The following ADAMTS16 variants were observed in gnomAD, a reference collection of about 807,000 sequenced individuals.
The protein encoded by ADAMTS16 is ADAM metallopeptidase with thrombospondin type 1 motif 16.
In ADAMTS16, 94 loss-of-function variants were observed where a neutral mutation model predicts 145.8. The ratio of observed to expected loss-of-function variants is 0.64; its 90% CI spans 0.55 to 0.77. The LOEUF is 0.77. ADAMTS16 is among the 30% of genes least tolerant of loss of function. The pLI is 0.00. For missense variants in ADAMTS16, 1,585 were observed against 1,591.5 expected, an observed-to-expected ratio of 1.00 and a Z score of 0.07; for synonymous variants, 659 against 604.3, an observed-to-expected ratio of 1.09 and a Z score of -1.33.
At chr5:5,237,871 G>A (rs1364844054) in intron 14 of ADAMTS16, among the ~76,000 whole-genome samples, 1 of 152,004 alleles carries the variant, frequency 6.6e-6, no homozygotes, top group African/African-American at 2.4e-5. Flanking sequence ...GCAGAGGGAA[G>A]GGGTGGAAAA....
intron 18 of ADAMTS16, among the ~76,000 whole-genome samples, chr5:5,264,177 C>T (rs1000019463): frequency 1.3e-5 from 2 of 152,062 alleles, no homozygotes; most frequent in Admixed American, 6.5e-5. Context: ...AAGAACCAAT[C>T]GGAAGAGAGC....
At chr5:5,248,528 C>T (rs894645698) in intron 17 of ADAMTS16, among the ~76,000 whole-genome samples, 8 of 152,178 alleles carry the variant, frequency 5.3e-5, no homozygotes, top group African/African-American at 7.2e-5. Flanking sequence ...AATTGGCCTG[C>T]GTGATTCTGG....
intron 18 of ADAMTS16, among the ~76,000 whole-genome samples, chr5:5,295,006 T>C (rs571378780): frequency 6.6e-6 from 1 of 152,180 alleles, no homozygotes; most frequent in African/African-American, 2.4e-5. Flanking sequence ...GAAAAATTAT[T>C]TAAAAAAAAT....
chr5:5,268,968 G>A (rs989830768), intron 18 of ADAMTS16, among the ~76,000 whole-genome samples: 7 of 152,244 alleles, frequency 4.6e-5, no homozygotes, highest in African/African-American at 1.4e-4. Flanking sequence ...AAAGGGAACC[G>A]CTCCCTCCCT....
chr5:5,283,943 C>T (rs1739020437), intron 18 of ADAMTS16, among the ~76,000 whole-genome samples: 2 of 152,144 alleles, frequency 1.3e-5, no homozygotes, highest in Admixed American at 1.3e-4. Flanking sequence ...TTATACATTT[C>T]ATAAGATTGG....
intron 17 of ADAMTS16, among the ~76,000 whole-genome samples, chr5:5,261,741 C>A (rs969095494): frequency 6.6e-6 from 1 of 152,160 alleles, no homozygotes; most frequent in African/African-American, 2.4e-5. Context: ...GCCTCGGCCG[C>A]CCAAAGTATC....
Position 5,196,237 on chromosome 5 carries a change from C to CAAAA in ADAMTS16, c.1314-3879_1314-3876dup, listed in dbSNP as rs10680781. 3.1e-3 allele frequency among the ~76,000 whole-genome samples: 299 copies of CAAAA among 94,992 alleles called. 17 individuals are homozygous for CAAAA. Among genetic ancestry groups the CAAAA allele is most frequent in the East Asian group, 0.022 (75 of 3,452 alleles). 62.3% of individuals were successfully genotyped at this position (94,992 alleles called of 152,430 possible). A position where few individuals can be genotyped will look rare whatever the true frequency, so the allele number is the denominator to read the frequency against. ...TGGGCAACAGAGAGAGCCTCCATCTCAAAAAAAAAAAAAAAAAAAGCAGCA... is the reference window on the plus strand; with the variant it reads ...TGGGCAACAGAGAGAGCCTCCATCTCAAAAAAAAAAAAAAAAAAAAAAAGCAGCA... On this transcript the variant is annotated intron_variant, in intron 8 of 22. Coordinates refer to ENST00000274181, the MANE Select transcript of ADAMTS16 (RefSeq NM_139056.4).
intron 12 of ADAMTS16, among the ~76,000 whole-genome samples, chr5:5,232,759 C>T (rs3922193): frequency 0.12 from 18,595 of 151,780 alleles, 1,507 homozygotes; most frequent in Non-Finnish European, 0.16. Flanking sequence ...GCCACCACCA[C>T]GCCCTCCTAA....
intron 3 of ADAMTS16, among the ~76,000 whole-genome samples, chr5:5,152,884 G>A (rs897784649): frequency 1.3e-5 from 2 of 152,172 alleles, no homozygotes; most frequent in African/African-American, 2.4e-5. Flanking sequence ...ATCCCACATT[G>A]CTCCTCAAAT....
At chr5:5,240,454 C>A (rs1737253427) in intron 16 of ADAMTS16, among the ~76,000 whole-genome samples, 1 of 152,242 alleles carries the variant, frequency 6.6e-6, no homozygotes, top group South Asian at 2.1e-4. Flanking sequence ...CTCATGAATG[C>A]AGAGGCTCAC....
chr5:5,192,269 C>A (rs1735680977), intron 8 of ADAMTS16, among the ~76,000 whole-genome samples: 1 of 152,178 alleles, frequency 6.6e-6, no homozygotes. Flanking sequence ...CTCCTGTACA[C>A]ACCTGTGCCT....
chr5:5,168,453 C>T (rs1330683916), intron 3 of ADAMTS16, among the ~76,000 whole-genome samples: 1 of 140,784 alleles, frequency 7.1e-6, no homozygotes, highest in Non-Finnish European at 1.5e-5. Flanking sequence ...AAGTTAATGC[C>T]TAGTTTATTT....
At chr5:5,237,469 T>C (rs2126381339) in intron 14 of ADAMTS16, among the ~76,000 whole-genome samples, 1 of 152,256 alleles carries the variant, frequency 6.6e-6, no homozygotes, top group Middle Eastern at 3.4e-3. Flanking sequence ...TAGCCACTGA[T>C]TCAGTCATCA....
At chr5:5,237,313 T>C (rs1721719449) in intron 14 of ADAMTS16, among the ~76,000 whole-genome samples, 1 of 152,160 alleles carries the variant, frequency 6.6e-6, no homozygotes, top group Non-Finnish European at 1.5e-5. Context: ...AGGGGCCCGT[T>C]CTGTCTTAGA....
intron 11 of ADAMTS16, among the ~76,000 whole-genome samples, chr5:5,223,996 G>A (rs965859154): frequency 4.0e-5 from 6 of 151,782 alleles, no homozygotes; most frequent in East Asian, 1.9e-4. Flanking sequence ...ATACATATTC[G>A]AATGTGACTA....
intron 3 of ADAMTS16, among the ~76,000 whole-genome samples, chr5:5,163,285 G>C (rs1311842001): frequency 6.6e-6 from 1 of 152,130 alleles, no homozygotes; most frequent in African/African-American, 2.4e-5. Context: ...ATTTTATTGG[G>C]TAACCTGAGC....
rs777426296 is a variant in ADAMTS16 at position 5,239,821 on chromosome 5, G to A, written c.2419G>A (p.Gly807Ser). The A allele has an allele frequency of 3.6e-5, 58 of 1,613,976 alleles. No homozygotes were observed. The highest frequency in any genetic ancestry group is 4.5e-5 in the Non-Finnish European group (53 of 1,180,030). The change falls in exon 16 of 23, where the codon GGC becomes AGC. Residue 807 changes from glycine to serine, a missense_variant. Physicochemically the swap from Gly to Ser is moderately conservative, Grantham distance 56 (BLOSUM62 0). Transcript: ENST00000274181. ...TGGGCACTGGACCGTGGACTGGCCCGGCCGGTACAAATTTTCGGGCACTAC... is the reference window on the plus strand; with the variant it reads ...TGGGCACTGGACCGTGGACTGGCCCAGCCGGTACAAATTTTCGGGCACTAC... ...LNGHWTVDWP[G>S]RYKFSGTTFD... is the part of the protein sequence containing the mutation.
At chr5:5,148,640 C>T (rs1230846629) in intron 3 of ADAMTS16, among the ~76,000 whole-genome samples, 5 of 152,156 alleles carry the variant, frequency 3.3e-5, no homozygotes. Flanking sequence ...GAAAGTGAAT[C>T]ATTGAGGTGT....
chr5:5,319,152 T>G lies in ADAMTS16; in HGVS notation c.*14T>G. The G allele has an allele frequency of 1.9e-6, 3 of 1,584,986 alleles. No homozygotes were observed. The highest frequency in any genetic ancestry group is 1.7e-6 in the Non-Finnish European group (2 of 1,159,680). ...TCCAACTTGTGAGTTGGGACCGCTCTCCGTAGCAGAGAAAGTGCCTGCGTG... is the reference window on the plus strand; with the variant it reads ...TCCAACTTGTGAGTTGGGACCGCTCGCCGTAGCAGAGAAAGTGCCTGCGTG... On this transcript the variant is annotated 3_prime_UTR_variant, in exon 23 of 23. Coordinates refer to ENST00000274181, the MANE Select transcript of ADAMTS16 (RefSeq NM_139056.4).
Sources: gnomAD v4.1 joint callset for allele counts (sites outside exome capture counted in the v4.1 genomes callset) on GRCh38, gnomAD v4.1.1 for gene constraint, MANE v1.5 for transcripts, NCBI Gene and HGNC (gene_info 2026-07-23, HGNC 2026-07-21) for gene names.